Variants in TTC28 observed in about 807,000 individuals in gnomAD.
TTC28 encodes tetratricopeptide repeat protein 28.
Under a neutral mutation model 198.0 loss-of-function variants are expected in TTC28, and 61 were observed. That is an observed-to-expected ratio of 0.31 (90% CI 0.25 to 0.38). TTC28 has a LOEUF of 0.38. TTC28 is among the 10% of genes least tolerant of loss of function. The probability of loss-of-function intolerance (pLI) is 1.00; values close to 1 mark genes in which losing one functional copy is unlikely to be tolerated. For synonymous variants in TTC28, 1,171 were observed against 1,297.8 expected (o/e 0.90, Z 2.10); for missense variants, 2,678 against 3,164.0 (o/e 0.85, Z 3.69).
intron 6 of TTC28, among the ~76,000 whole-genome samples, chr22:28,112,138 G>A (rs1033846033): frequency 2.0e-5 from 3 of 151,898 alleles, no homozygotes; most frequent in Non-Finnish European, 4.4e-5. Context: ...TCACTAATAA[G>A]GTCATATTAT....
At chr22:28,309,689 T>C (rs1160346553) in intron 2 of TTC28, among the ~76,000 whole-genome samples, 2 of 152,160 alleles carry the variant, frequency 1.3e-5, no homozygotes, top group South Asian at 2.1e-4. Flanking sequence ...AAGATGGGTG[T>C]CTCTAGGGCA....
intron 2 of TTC28, among the ~76,000 whole-genome samples, chr22:28,406,347 G>A (rs2046998077): frequency 6.6e-6 from 1 of 152,152 alleles, no homozygotes. Flanking sequence ...TTTTAATTAG[G>A]TATCTCCACA....
At chr22:28,104,433 TGA>T (rs747873955) in intron 8 of TTC28, among the ~76,000 whole-genome samples, 2 of 152,164 alleles carry the variant, frequency 1.3e-5, no homozygotes, top group Non-Finnish European at 2.9e-5. Flanking sequence ...CCCCTGGAAA[TGA>T]GAGTTTTTGC....
At chr22:28,439,325 C>A (rs950831409) in intron 2 of TTC28, among the ~76,000 whole-genome samples, 4 of 152,182 alleles carry the variant, frequency 2.6e-5, no homozygotes, top group African/African-American at 9.7e-5. Context: ...TGGGTAAAAT[C>A]ACTATGGTTT....
intron 2 of TTC28, among the ~76,000 whole-genome samples, chr22:28,366,470 A>T (rs536450360): frequency 5.3e-5 from 8 of 152,266 alleles, no homozygotes; most frequent in African/African-American, 1.9e-4. Context: ...GCGGTTAGGA[A>T]AAAAAAGATA....
chr22:28,297,445 T>C, intron 4 of TTC28, 135 bp downstream of exon 4: 1 of 1,082,384 alleles, frequency 9.2e-7, no homozygotes, highest in Non-Finnish European at 1.3e-6. Flanking sequence ...CCTTAAGCAA[T>C]CCTCCCAAAG....
chr22:28,157,882 T>C (rs1943784279), intron 6 of TTC28, among the ~76,000 whole-genome samples: 1 of 152,210 alleles, frequency 6.6e-6, no homozygotes, highest in Non-Finnish European at 1.5e-5. Flanking sequence ...CTTTTACCAC[T>C]GTTATTCAAC....
intron 5 of TTC28, among the ~76,000 whole-genome samples, chr22:28,171,929 T>C (rs936306893): frequency 2.6e-5 from 4 of 152,154 alleles, no homozygotes; most frequent in African/African-American, 9.7e-5. Context: ...CAGCACATTG[T>C]ACAAGGAACT....
intron 2 of TTC28, among the ~76,000 whole-genome samples, chr22:28,319,504 T>C (rs921735396): frequency 1.3e-5 from 2 of 152,198 alleles, no homozygotes; most frequent in Non-Finnish European, 2.9e-5. Context: ...AAGATAATCC[T>C]CTATAGATTA....
chr22:28,041,622 T>C (rs1801428692), intron 12 of TTC28, among the ~76,000 whole-genome samples: 1 of 152,126 alleles, frequency 6.6e-6, no homozygotes, highest in South Asian at 2.1e-4. Flanking sequence ...CCTAAAACCA[T>C]AAAAACCCTA....
intron 1 of TTC28, among the ~76,000 whole-genome samples, chr22:28,645,137 C>T (rs984649321): frequency 5.4e-5 from 8 of 148,732 alleles, no homozygotes; most frequent in Admixed American, 1.3e-4. Context: ...AGTGAGACTC[C>T]GTCTCAAAAA....
intron 2 of TTC28, among the ~76,000 whole-genome samples, chr22:28,367,788 T>C (rs1355562737): frequency 6.6e-6 from 1 of 151,962 alleles, no homozygotes; most frequent in African/African-American, 2.4e-5. Context: ...TATGAACAAC[T>C]ATATGCCAAT....
intron 6 of TTC28, among the ~76,000 whole-genome samples, chr22:28,127,142 G>C (rs1942936212): frequency 6.6e-6 from 1 of 152,094 alleles, no homozygotes; most frequent in Non-Finnish European, 1.5e-5. Context: ...AAAAATATTT[G>C]GTACAGACAG....
chr22:28,527,376 C>G (rs913231563), intron 2 of TTC28, among the ~76,000 whole-genome samples: 4 of 152,214 alleles, frequency 2.6e-5, no homozygotes, highest in Non-Finnish European at 4.4e-5. Context: ...TTAATGCCGC[C>G]TCTTCCTCTG....
At position 27,999,077 on chromosome 22, in the gene TTC28, C is replaced by T. The variant is rs961995309; in HGVS notation, c.4582G>A (p.Ala1528Thr). Residue 1528 changes from alanine to threonine, a missense_variant, in exon 16 of 23, where the codon GCC (alanine) becomes ACC (threonine). Physicochemically the swap from Ala to Thr is moderately conservative, Grantham distance 58. This residue lies in a region of TTC28 where 727 missense variants were observed against 861.9 expected (regional missense o/e 0.84). Transcript: ENST00000397906. ...LGCQPLVGSV[A>T]TKERVMSALT... ...GCACTCATGACCCTCTCCTTGGTGG[C>T]CACACTGCCCACTAGGGGCTGGCAG... is the stretch of plus-strand genomic sequence containing the variant. The T allele has an allele frequency of 9.7e-6, 15 of 1,550,382 alleles. No homozygotes were observed. Among genetic ancestry groups the T allele is most frequent in the Admixed American group, 5.9e-5 (3 of 50,994 alleles).
At chr22:28,038,328 C>G (rs551750635) in intron 12 of TTC28, among the ~76,000 whole-genome samples, 4 of 152,226 alleles carry the variant, frequency 2.6e-5, no homozygotes, top group Admixed American at 6.5e-5. Context: ...GAGATATAGA[C>G]CAATGGAACA....
chr22:28,389,875 C>T (rs1481530114), intron 2 of TTC28, among the ~76,000 whole-genome samples: 1 of 151,542 alleles, frequency 6.6e-6, no homozygotes, highest in East Asian at 1.9e-4. Flanking sequence ...TATTTCTTGC[C>T]TTCTGCTAGC....
At chr22:28,500,256 C>T (rs2048517378) in intron 2 of TTC28, among the ~76,000 whole-genome samples, 3 of 152,152 alleles carry the variant, frequency 2.0e-5, no homozygotes, top group African/African-American at 7.2e-5. Flanking sequence ...CAGTTGTGAA[C>T]ACTTCATATA....
chr22:28,162,997 T>G (rs531185528), intron 6 of TTC28, 95 bp downstream of exon 6: 1 of 1,381,238 alleles, frequency 7.2e-7, no homozygotes, highest in Non-Finnish European at 9.6e-7. Context: ...CTTTTAAATA[T>G]AAACACACAG....
Sources: allele counts gnomAD v4.1 joint callset (sites outside exome capture counted in the v4.1 genomes callset), GRCh38; gene constraint gnomAD v4.1.1; regional missense constraint gnomAD v4.1.1; transcripts MANE v1.5; gene names NCBI Gene and HGNC (gene_info 2026-07-23, HGNC 2026-07-21).